Variants in PRKCB observed in about 807,000 individuals in gnomAD.
PRKCB encodes protein kinase C beta type.
Under a neutral mutation model 81.5 loss-of-function variants are expected in PRKCB, and 13 were observed. The ratio of observed to expected loss-of-function variants is 0.16; its 90% CI spans 0.10 to 0.25. The LOEUF (loss-of-function observed/expected upper bound fraction) is 0.25. Ranked by LOEUF, PRKCB falls within the 10% of genes least tolerant of loss-of-function variation. The probability of loss-of-function intolerance (pLI) is 1.00; values close to 1 mark genes in which losing one functional copy is unlikely to be tolerated. For synonymous variants in PRKCB, 335 were observed against 321.4 expected (o/e 1.04, Z -0.45); for missense variants, 509 against 875.7 (o/e 0.58, Z 5.29).
At chr16:24,157,930 G>A (rs960811084) in intron 10 of PRKCB, among the ~76,000 whole-genome samples, 3 of 151,952 alleles carry the variant, frequency 2.0e-5, no homozygotes, top group African/African-American at 7.3e-5. Flanking sequence ...ATGTCTAATG[G>A]ACTAATGAGA....
chr16:24,170,606 C>T (rs1044761310), intron 10 of PRKCB, among the ~76,000 whole-genome samples: 1 of 152,284 alleles, frequency 6.6e-6, no homozygotes, highest in Non-Finnish European at 1.5e-5. Context: ...AGGAGAGAAA[C>T]GAGTCACATA....
intron 16 of PRKCB, chr16:24,191,559 G>A: frequency 5.0e-6 from 1 of 201,004 alleles, no homozygotes; most frequent in Non-Finnish European, 1.0e-5. Context: ...CTGTGATAAA[G>A]GATCTAATTT....
chr16:23,901,730 T>G (rs988899019), intron 2 of PRKCB, among the ~76,000 whole-genome samples: 11 of 152,160 alleles, frequency 7.2e-5, no homozygotes, highest in Non-Finnish European at 1.5e-4. Flanking sequence ...AAGTGTCTTG[T>G]GGGAATTGGC....
intron 16 of PRKCB, among the ~76,000 whole-genome samples, chr16:24,197,830 T>G (rs913457929): frequency 2.6e-5 from 4 of 152,068 alleles, no homozygotes; most frequent in African/African-American, 9.7e-5. Context: ...TGAACATGAG[T>G]CCCTGCAGAC....
chr16:23,921,490 T>C (rs1443315189), intron 2 of PRKCB, among the ~76,000 whole-genome samples: 1 of 151,856 alleles, frequency 6.6e-6, no homozygotes, highest in Non-Finnish European at 1.5e-5. Context: ...TGGGAAGAAA[T>C]AAGGGTTGAG....
rs374160159 is a variant in PRKCB, at chr16:24,031,591, A to T, written c.289-545A>T. Among the ~76,000 whole-genome samples the T allele has an allele frequency of 6.8e-4, 103 of 152,326 alleles. 4 individuals are homozygous for T. In the South Asian group the frequency reaches 0.021, roughly 30 times the overall value. ...ATTCTACTATTAAAGGGAAGAATGGATATTGGTGGAAAACCAGCAGTCTCT... is the reference window on the plus strand; with the variant it reads ...ATTCTACTATTAAAGGGAAGAATGGTTATTGGTGGAAAACCAGCAGTCTCT... On this transcript the variant is annotated intron_variant, in intron 3 of 16. Transcript: ENST00000643927.
chr16:24,036,839 T>A (rs986574123), intron 5 of PRKCB, among the ~76,000 whole-genome samples: 1 of 152,130 alleles, frequency 6.6e-6, no homozygotes, highest in Non-Finnish European at 1.5e-5. Flanking sequence ...GAGACAAATA[T>A]GAGACTCTGC....
At chr16:23,856,858 G>GC (rs1430669486) in intron 2 of PRKCB, among the ~76,000 whole-genome samples, 1 of 152,138 alleles carries the variant, frequency 6.6e-6, no homozygotes, top group Non-Finnish European at 1.5e-5. Context: ...AACATATATA[G>GC]CCATGAGTGA....
intron 2 of PRKCB, among the ~76,000 whole-genome samples, chr16:23,873,876 C>G (rs1174106840): frequency 3.9e-5 from 6 of 152,168 alleles, no homozygotes. Context: ...CCTACTCAGT[C>G]TCATGAAAAT....
chr16:24,014,047 T>G (rs535237505), intron 3 of PRKCB, among the ~76,000 whole-genome samples: 1 of 152,358 alleles, frequency 6.6e-6, no homozygotes, highest in African/African-American at 2.4e-5. Flanking sequence ...ACAGAGGATC[T>G]TTCTGCTCTT....
intron 2 of PRKCB, among the ~76,000 whole-genome samples, chr16:23,887,312 A>G (rs192729121): frequency 1.5e-4 from 23 of 152,306 alleles, no homozygotes; most frequent in Admixed American, 1.3e-3. Context: ...TAGTGAGCAT[A>G]GTACCCAGTA....
intron 5 of PRKCB, among the ~76,000 whole-genome samples, chr16:24,073,100 G>C (rs546633965): frequency 3.9e-5 from 6 of 152,184 alleles, no homozygotes. Flanking sequence ...AAGAGCCCTT[G>C]GATGTGATCT....
chr16:24,004,944 G>C (rs1474685078), intron 3 of PRKCB, among the ~76,000 whole-genome samples: 14 of 152,074 alleles, frequency 9.2e-5, no homozygotes, highest in Non-Finnish European at 1.5e-4. Flanking sequence ...ATTTGAAAAT[G>C]ACCCAAGTCT....
chr16:24,171,400 A>G (rs1967438661), intron 10 of PRKCB, among the ~76,000 whole-genome samples: 1 of 152,198 alleles, frequency 6.6e-6, no homozygotes, highest in Non-Finnish European at 1.5e-5. Flanking sequence ...GAGAGAGAGC[A>G]GGGTGGAAGT....
intron 3 of PRKCB, among the ~76,000 whole-genome samples, chr16:24,015,093 G>A (rs1316350288): frequency 3.3e-5 from 5 of 152,152 alleles, no homozygotes; most frequent in Non-Finnish European, 2.9e-5. Context: ...GAACTGCCGC[G>A]CCTGGCCTTA....
At chr16:23,857,429 C>T (rs190178033) in intron 2 of PRKCB, among the ~76,000 whole-genome samples, 4 of 152,280 alleles carry the variant, frequency 2.6e-5, no homozygotes, top group South Asian at 4.1e-4. Flanking sequence ...TATGCCAGCA[C>T]GGAGGTGGGT....
rs1438800381 is a variant in PRKCB, at chr16:24,142,334, A to G, written c.1066-12350A>G. Among the ~76,000 whole-genome samples the G allele has an allele frequency of 1.3e-5, 2 of 152,208 alleles. 1 individual carries two copies. The highest frequency in any genetic ancestry group is 1.3e-4 in the Admixed American group (2 of 15,280). ...ATGGTCAGGATACCTGCCACGTGGT[A>G]AAGACGTGGATGCAGAAGTTAACCT... On this transcript the variant is annotated intron_variant, in intron 9 of 16. Transcript: ENST00000643927.
At chr16:24,200,934 G>A (rs1464116527) in intron 16 of PRKCB, among the ~76,000 whole-genome samples, 1 of 151,944 alleles carries the variant, frequency 6.6e-6, no homozygotes, top group Admixed American at 6.6e-5. Context: ...TATTATTATT[G>A]TTATTTTGAT....
At chr16:23,998,799 G>A (rs918789587) in intron 3 of PRKCB, among the ~76,000 whole-genome samples, 7 of 152,192 alleles carry the variant, frequency 4.6e-5, no homozygotes, top group African/African-American at 1.7e-4. Context: ...GACAGACCAG[G>A]AAAGGGTGAA....
Sources: allele counts gnomAD v4.1 joint callset (sites outside exome capture counted in the v4.1 genomes callset), GRCh38; gene constraint gnomAD v4.1.1; transcripts MANE v1.5; gene names NCBI Gene and HGNC (gene_info 2026-07-23, HGNC 2026-07-21).